XPOT: variants seen among roughly 807,000 people sequenced by gnomAD.
XPOT encodes exportin-T.
Under a neutral mutation model 128.2 loss-of-function variants are expected in XPOT, and 34 were observed. The observed-to-expected ratio is 0.27, with a 90% confidence interval of 0.20 to 0.35. The LOEUF is 0.35. Among genes scored for constraint, XPOT ranks in the 10% least tolerant of loss-of-function variants. The pLI, the probability that XPOT is intolerant of heterozygous loss-of-function variation, is 1.00. For synonymous variants in XPOT, 348 were observed against 394.3 expected (o/e 0.88, Z 1.39); for missense variants, 838 against 1,125.3 (o/e 0.74, Z 3.65).
At chr12:64,409,579 C>T (rs1383772428) in intron 1 of XPOT, 1 of 154,538 alleles carries the variant, frequency 6.5e-6, no homozygotes, top group African/African-American at 2.4e-5. Flanking sequence ...ACTAAAAATA[C>T]AAAAAATTAG....
intron 23 of XPOT, among the ~76,000 whole-genome samples, chr12:64,444,568 CTA>C (rs2040352987): frequency 6.6e-6 from 1 of 152,084 alleles, no homozygotes; most frequent in Non-Finnish European, 1.5e-5. Flanking sequence ...AGACAATGCT[CTA>C]TGATTCCATT....
intron 23 of XPOT, among the ~76,000 whole-genome samples, chr12:64,444,508 T>C (rs2136040830): frequency 6.6e-6 from 1 of 152,348 alleles, no homozygotes; most frequent in South Asian, 2.1e-4. Flanking sequence ...TGCTATAATG[T>C]GGATGAACCT....
At chr12:64,448,080 G>A in intron 24 of XPOT, 25 bp from the exon 25 acceptor site, 1 of 1,603,814 alleles carries the variant, frequency 6.2e-7, no homozygotes, top group Middle Eastern at 1.7e-4. Flanking sequence ...CATTAGTATT[G>A]ATTGCATTAA....
chr12:64,434,838 C>T lies in XPOT; in HGVS notation c.2614C>T (p.His872Tyr), dbSNP rs2040269470. The T allele has an allele frequency of 2.5e-6, 4 of 1,612,144 alleles. No homozygotes were observed. In the East Asian group the frequency reaches 8.9e-5, roughly 36 times the overall value. The part of the protein sequence containing the change: ...PVGFADFVYK[H>Y]IVPACFLAPL... ...GGGATTTGCTGATTTTGTTTATAAG[C>T]ACATTGTCCCCGCATGTTTCCTAGC... Residue 872 changes from histidine (H) to tyrosine (Y), a missense_variant, in exon 21 of 25, where the codon CAC becomes TAC. This residue lies in a region of XPOT where 21 missense variants were observed against 57.8 expected (regional missense o/e 0.36). Coordinates refer to ENST00000332707, the MANE Select transcript of XPOT (RefSeq NM_007235.6).
At chr12:64,429,504 C>T (rs943695724) in intron 16 of XPOT, among the ~76,000 whole-genome samples, 1 of 150,710 alleles carries the variant, frequency 6.6e-6, no homozygotes, top group African/African-American at 2.4e-5. Flanking sequence ...AGTGCAGTGG[C>T]ATGGTCTTGA....
rs555687492 is a variant in XPOT at position 64,450,582 on chromosome 12, C to T, written c.*2451C>T. 7.2e-5 allele frequency: 11 copies of T among 152,300 alleles called. 1 individual carries two copies. The South Asian group carries it at 1.2e-3, about 17-fold the overall frequency. 9.4% of individuals were successfully genotyped at this position (152,300 alleles called of 1,614,324 possible). ...AATTGAGTGTGTAATAAAAATTAAA[C>T]TCTTCATGTTATATAATCATGCATA... On this transcript the variant is annotated 3_prime_UTR_variant, in exon 25 of 25. Transcript: ENST00000332707.
chr12:64,425,247 C>T, intron 13 of XPOT, 65 bp downstream of exon 13: 1 of 1,608,674 alleles, frequency 6.2e-7, no homozygotes, highest in Non-Finnish European at 8.5e-7. Context: ...ATGGGAGTTC[C>T]TTAATTGTTA....
chr12:64,423,094 AT>A, intron 10 of XPOT, 51 bp downstream of exon 10: 1 of 1,604,234 alleles, frequency 6.2e-7, no homozygotes, highest in Non-Finnish European at 8.5e-7. Context: ...TTAGTCTGTA[AT>A]TTGCCTTGAA....
intron 15 of XPOT, among the ~76,000 whole-genome samples, chr12:64,426,370 A>G (rs916629913): frequency 1.3e-4 from 20 of 152,102 alleles, no homozygotes; most frequent in Non-Finnish European, 2.8e-4. Flanking sequence ...ATAACAAAGA[A>G]CAAAATCATG....
chr12:64,408,556 A>C (rs1448206620), intron 1 of XPOT, among the ~76,000 whole-genome samples: 1 of 152,164 alleles, frequency 6.6e-6, no homozygotes, highest in Non-Finnish European at 1.5e-5. Context: ...TGCCTTTTGC[A>C]GCTTATTATT....
chr12:64,429,444 CTTT>C (rs34238513), intron 16 of XPOT, among the ~76,000 whole-genome samples: 2 of 143,674 alleles, frequency 1.4e-5, no homozygotes, highest in Non-Finnish European at 3.1e-5. Context: ...CACTCTAGTA[CTTT>C]TTTTTTTTTT....
At position 64,414,897 on chromosome 12, in the gene XPOT, A is replaced by C; in HGVS notation, c.61-10A>C. ...TTCTAAATGCATTTTTTTGTTTTGCAATCTTATAGGCCCTGGCCTATTTTG... is the reference window on the plus strand; with the variant it reads ...TTCTAAATGCATTTTTTTGTTTTGCCATCTTATAGGCCCTGGCCTATTTTG... On this transcript the variant is annotated splice_polypyrimidine_tract_variant and intron_variant, in intron 2 of 24. Coordinates refer to ENST00000332707, the MANE Select transcript of XPOT (RefSeq NM_007235.6). 2.5e-6 allele frequency: 4 copies of C among 1,596,350 alleles called. No homozygotes were observed. Among genetic ancestry groups the C allele is most frequent in the Non-Finnish European group, 3.4e-6 (4 of 1,166,086 alleles).
chr12:64,440,390 AT>A (rs1565804171), intron 23 of XPOT, among the ~76,000 whole-genome samples: 2 of 152,176 alleles, frequency 1.3e-5, no homozygotes, highest in African/African-American at 4.8e-5. Flanking sequence ...CATTGGGGCT[AT>A]TTTCACATTG....
rs1218052927 is a variant in XPOT at position 64,404,819 on chromosome 12, G to C, written c.-75+15G>C. 6.6e-6 allele frequency: 1 copy of C among 152,372 alleles called. No individual in the cohort carries two copies. Among genetic ancestry groups the C allele is most frequent in the East Asian group, 1.9e-4 (1 of 5,174 alleles). 9.4% of individuals were successfully genotyped at this position (152,372 alleles called of 1,614,324 possible). A position where few individuals can be genotyped will look rare whatever the true frequency, so the allele number is the denominator to read the frequency against. On this transcript the variant is annotated intron_variant, in intron 1 of 24. Transcript: ENST00000332707. ...TGATAGGGAAGGTGACTCGGGGCTC[G>C]GGGGCAGCGGGACCGGGACCAGGTT...
Position 64,430,166 on chromosome 12 carries a change from A to T in XPOT, c.1855A>T (p.Asn619Tyr), listed in dbSNP as rs2040226722. ...AGAAAGGAAACAAGCCTTAATGAGG[A>T]ATCTGTTGACTCCACTAATGGAGAA... ...PAERKQALMR[N>Y]LLTPLMEKFK... Residue 619 changes from asparagine to tyrosine, a missense_variant, in exon 17 of 25, where the codon AAT becomes TAT. Asn to Tyr is a moderately radical substitution (Grantham distance 143, BLOSUM62 -2). Transcript: ENST00000332707. 1 of 1,613,818 alleles carries T rather than the reference A, an allele frequency of 6.2e-7. No homozygotes were observed. The highest frequency in any genetic ancestry group is 1.1e-5 in the South Asian group (1 of 91,052).
chr12:64,435,358 C>T (rs2040273959), intron 21 of XPOT, among the ~76,000 whole-genome samples: 1 of 152,182 alleles, frequency 6.6e-6, no homozygotes, highest in African/African-American at 2.4e-5. Context: ...CTCACTTTCC[C>T]ACAACCTGGT....
intron 1 of XPOT, chr12:64,405,067 C>T (rs1021518889): frequency 6.6e-6 from 1 of 152,156 alleles, no homozygotes; most frequent in South Asian, 2.1e-4. Flanking sequence ...CACGAGGCTT[C>T]CTTTAGGGGA....
chr12:64,405,197 T>A (rs1230173350), intron 1 of XPOT: 1 of 152,304 alleles, frequency 6.6e-6, no homozygotes, highest in East Asian at 1.9e-4. Context: ...ACTTGATTCT[T>A]CCCCCACCCC....
intron 1 of XPOT, 147 bp downstream of exon 1, chr12:64,404,951 T>C (rs1483100890): frequency 6.7e-6 from 1 of 150,278 alleles, no homozygotes; most frequent in Non-Finnish European, 1.5e-5. Flanking sequence ...GTGCACCCCC[T>C]GGCTGGGCGG....
Sources: gnomAD v4.1 joint callset for allele counts (sites outside exome capture counted in the v4.1 genomes callset) on GRCh38, gnomAD v4.1.1 for gene constraint, gnomAD v4.1.1 regional missense constraint, MANE v1.5 for transcripts, NCBI Gene and HGNC (gene_info 2026-07-23, HGNC 2026-07-21) for gene names.